Variants in PCDHA4 observed in about 807,000 individuals in gnomAD.
PCDHA4 encodes the protein protocadherin alpha 4.
In PCDHA4, 49 loss-of-function variants were observed where a neutral mutation model predicts 61.4. That is an observed-to-expected ratio of 0.80 (90% confidence interval 0.63 to 1.01). The LOEUF is 1.01. Ranked by LOEUF, PCDHA4 falls within the 50% of genes least tolerant of loss-of-function variation. The pLI, the probability that PCDHA4 is intolerant of heterozygous loss-of-function variation, is 0.00. For missense variants in PCDHA4, 1,254 were observed against 1,235.8 expected, an observed-to-expected ratio of 1.01 and a Z score of -0.22; for synonymous variants, 590 against 550.3, an observed-to-expected ratio of 1.07 and a Z score of -1.01.
rs557642190 is a variant in PCDHA4 at position 140,808,262 on chromosome 5, A to G, written c.1075A>G (p.Ile359Val). 1.4e-5 allele frequency: 23 copies of G among 1,614,256 alleles called. No individual in the cohort carries two copies. In the South Asian group the frequency reaches 1.8e-4, roughly 12 times the overall value. The change falls in exon 1 of 4, where the codon ATT (isoleucine) becomes GTT (valine). Residue 359 changes from isoleucine (I) to valine (V), a missense_variant. Physicochemically the swap from Ile to Val is conservative, Grantham distance 29 (BLOSUM62 3). Coordinates refer to ENST00000530339, the MANE Select transcript of PCDHA4 (RefSeq NM_018907.4). ...DLEFKSLSLP[I>V]REDAPLGTVI... ...GGAATTCAAGTCTTTATCACTTCCA[A>G]TTAGAGAGGACGCTCCACTGGGTAC...
chr5:140,922,172 C>T (rs1466116071), intron 1 of PCDHA4, among the ~76,000 whole-genome samples: 2 of 134,528 alleles, frequency 1.5e-5, no homozygotes, highest in Non-Finnish European at 3.3e-5. Context: ...AAAAGTACAG[C>T]AGACAAAAAA....
intron 1 of PCDHA4, among the ~76,000 whole-genome samples, chr5:140,958,025 A>G (rs920360369): frequency 1.3e-5 from 2 of 152,150 alleles, no homozygotes; most frequent in Non-Finnish European, 2.9e-5. Flanking sequence ...CAAGTATACT[A>G]TGCTTTCTTT....
In PCDHA4 at chr5:140,928,822, C is replaced by G. The variant is rs782187448; in HGVS notation, c.2386-50127C>G. ...GGTAGTGGTTCGGGACCATGGAGAC[C>G]CACCACTTTCCTCCTCTGTCACTCT... On this transcript the variant is annotated intron_variant, in intron 1 of 3. Coordinates refer to ENST00000530339, the MANE Select transcript of PCDHA4 (RefSeq NM_018907.4). 6 of 1,614,116 alleles carry G rather than the reference C, an allele frequency of 3.7e-6. No individual in the cohort carries two copies. The South Asian group carries it at 6.6e-5, about 18-fold the overall frequency.
chr5:141,002,246 C>G (rs1217451636), intron 3 of PCDHA4, among the ~76,000 whole-genome samples: 1 of 152,190 alleles, frequency 6.6e-6, no homozygotes, highest in Non-Finnish European at 1.5e-5. Flanking sequence ...CTTTATTAAC[C>G]TCAGCACTGA....
chr5:140,853,921 C>T (rs2042909522), intron 1 of PCDHA4: 2 of 921,152 alleles, frequency 2.2e-6, no homozygotes, highest in African/African-American at 1.8e-5. Flanking sequence ...GCAATCCCAA[C>T]ATTTTGGGAG....
intron 1 of PCDHA4, chr5:140,823,128 T>G: frequency 3.7e-6 from 6 of 1,613,702 alleles, no homozygotes; most frequent in South Asian, 1.1e-5. Flanking sequence ...ACGACAACGC[T>G]CCGGCGTTCG....
chr5:140,951,084 T>C (rs190031878), intron 1 of PCDHA4, among the ~76,000 whole-genome samples: 2 of 152,168 alleles, frequency 1.3e-5, no homozygotes, highest in African/African-American at 4.8e-5. Context: ...ATATTTTCCT[T>C]TTTTTCTGAT....
chr5:140,974,419 C>T (rs998974699), intron 1 of PCDHA4, among the ~76,000 whole-genome samples: 1 of 152,208 alleles, frequency 6.6e-6, no homozygotes, highest in African/African-American at 2.4e-5. Flanking sequence ...GTTTATTTTA[C>T]TTTCCTGGTT....
chr5:140,828,709 T>C, intron 1 of PCDHA4: 2 of 1,614,254 alleles, frequency 1.2e-6, no homozygotes, highest in Non-Finnish European at 8.5e-7. Flanking sequence ...AGGAAGCTCC[T>C]GCACACAACT....
intron 1 of PCDHA4, among the ~76,000 whole-genome samples, chr5:140,972,732 C>T (rs2096552874): frequency 1.3e-5 from 2 of 149,646 alleles, no homozygotes; most frequent in Non-Finnish European, 3.0e-5. Flanking sequence ...GGCGTAATCC[C>T]GGCTCACTGC....
rs565071573 is a variant in PCDHA4, at chr5:141,009,664, G to A, written c.2571G>A (p.Ala857=). The A allele has an allele frequency of 2.2e-5, 36 of 1,613,862 alleles. No individual in the cohort carries two copies. The highest frequency in any genetic ancestry group is 5.0e-5 in the Admixed American group (3 of 59,974). The stretch of plus-strand genomic sequence containing the variant: ...GAGAAGTGTCCCCTCCAGTCGGTGC[G>A]GGTGTCAACAGCAACAGCTGGACCT... The part of the protein sequence containing the change: ...EAGEVSPPVG[A]GVNSNSWTFK... Residue 857 remains alanine (A), a synonymous_variant, in exon 4 of 4, where the codon GCG becomes GCA. Transcript: ENST00000530339.
chr5:140,941,828 A>T (rs2093176954), intron 1 of PCDHA4, among the ~76,000 whole-genome samples: 1 of 152,218 alleles, frequency 6.6e-6, no homozygotes, highest in Non-Finnish European at 1.5e-5. Flanking sequence ...TGCTGTAAAT[A>T]ATTTAGGCTG....
At position 140,809,002 on chromosome 5, in the gene PCDHA4, G is replaced by T. The variant is rs1764330578; in HGVS notation, c.1815G>T (p.Ala605=). 1 of 1,613,678 alleles carries T rather than the reference G, an allele frequency of 6.2e-7. No homozygotes were observed. Among genetic ancestry groups the T allele is most frequent in the Non-Finnish European group, 8.5e-7 (1 of 1,179,742 alleles). Residue 605 remains alanine (A), a synonymous_variant, in exon 1 of 4, where the codon GCG becomes GCT. Coordinates refer to ENST00000530339, the MANE Select transcript of PCDHA4 (RefSeq NM_018907.4). Reference sequence around the variant, plus strand: ...TGGATGCTGACTCGGGCTACAACGCGTGGCTTTCGTACGAGCTGCAGCCGG... The same window carrying T: ...TGGATGCTGACTCGGGCTACAACGCTTGGCTTTCGTACGAGCTGCAGCCGG... ...RAVDADSGYN[A]WLSYELQPGT... is the part of the protein sequence containing the mutation.
At chr5:140,824,627 T>G (rs2150136060) in intron 1 of PCDHA4, 3 of 134,070 alleles carry the variant, frequency 2.2e-5, no homozygotes, top group African/African-American at 9.6e-5. Flanking sequence ...TTTTTTTTTT[T>G]TTTTTATTTT....
chr5:140,908,456 T>C (rs557022321), intron 1 of PCDHA4, among the ~76,000 whole-genome samples: 2 of 152,174 alleles, frequency 1.3e-5, no homozygotes, highest in South Asian at 4.1e-4. Context: ...GCTAGATGGA[T>C]CAGAAAGCAC....
intron 1 of PCDHA4, chr5:140,871,061 A>G (rs2052667671): frequency 6.2e-7 from 1 of 1,613,082 alleles, no homozygotes; most frequent in African/African-American, 1.3e-5. Flanking sequence ...GTGAAGGATC[A>G]CGGTGAGCCG....
At chr5:140,934,502 A>G (rs1311901724) in intron 1 of PCDHA4, among the ~76,000 whole-genome samples, 2 of 152,144 alleles carry the variant, frequency 1.3e-5, no homozygotes, top group Non-Finnish European at 2.9e-5. Flanking sequence ...TAAACACCCA[A>G]AGGGTCCATA....
rs148181752 is a variant in PCDHA4, at chr5:140,966,860, TTGCTGC to T, written c.2386-12081_2386-12076del. 7,760 of 1,577,476 alleles carry T rather than the reference TTGCTGC, an allele frequency of 4.9e-3. 268 individuals are homozygous for T. The African/African-American group carries it at 0.086, about 18-fold the overall frequency. ...GCTGCTACTGCCTCTCCTGCTGCTG[TTGCTGC>T]TGCTGCTACCTGGCCCTGCGGCCTC... On this transcript the variant is annotated intron_variant, in intron 1 of 3. Coordinates refer to ENST00000530339, the MANE Select transcript of PCDHA4 (RefSeq NM_018907.4).
chr5:140,857,209 T>C (rs2044423092), intron 1 of PCDHA4: 1 of 1,598,580 alleles, frequency 6.3e-7, no homozygotes, highest in South Asian at 1.1e-5. Flanking sequence ...TCACCTGCTC[T>C]CTGACGCCTC....
Sources: allele counts gnomAD v4.1 joint callset (sites outside exome capture counted in the v4.1 genomes callset), GRCh38; gene constraint gnomAD v4.1.1; transcripts MANE v1.5; gene names NCBI Gene and HGNC (gene_info 2026-07-23, HGNC 2026-07-21).